The following IQSEC1 variants were observed in gnomAD, a reference collection of about 807,000 sequenced individuals.
IQSEC1 encodes IQ motif and Sec7 domain ArfGEF 1, also known as IQ motif and SEC7 domain-containing protein 1.
Under a neutral mutation model 91.0 loss-of-function variants are expected in IQSEC1, and 31 were observed. The observed-to-expected ratio is 0.34, with a 90% confidence interval of 0.26 to 0.46. IQSEC1 has a LOEUF of 0.46. IQSEC1 is among the 20% of genes least tolerant of loss of function. The probability of loss-of-function intolerance (pLI) is 1.00; values close to 1 mark genes in which losing one functional copy is unlikely to be tolerated. For synonymous variants in IQSEC1, 699 were observed against 662.6 expected (o/e 1.05, Z -0.84); for missense variants, 1,388 against 1,575.6 (o/e 0.88, Z 2.02).
intron 10 of IQSEC1, among the ~76,000 whole-genome samples, chr3:12,911,137 A>G (rs1695516152): frequency 6.6e-6 from 1 of 152,158 alleles, no homozygotes; most frequent in Non-Finnish European, 1.5e-5. Context: ...TGTGGCAGGC[A>G]CTACCTTACA....
intron 1 of IQSEC1, among the ~76,000 whole-genome samples, chr3:13,276,077 A>ATTTTTT (rs1406168404): frequency 1.2e-5 from 1 of 85,598 alleles, no homozygotes; most frequent in African/African-American, 4.6e-5. Flanking sequence ...CCTCAAAAGC[A>ATTTTTT]TTCTTTTTTT....
chr3:13,217,450 T>C (rs1694572119), intron 1 of IQSEC1, among the ~76,000 whole-genome samples: 1 of 152,184 alleles, frequency 6.6e-6, no homozygotes. Context: ...CAGGGCTGAG[T>C]AGTAGTCCAC....
intron 12 of IQSEC1, among the ~76,000 whole-genome samples, chr3:12,905,094 C>A (rs183592634): frequency 1.3e-5 from 2 of 152,348 alleles, no homozygotes; most frequent in African/African-American, 4.8e-5. Context: ...CACAGCCAGC[C>A]GTGCAGATAT....
intron 1 of IQSEC1, among the ~76,000 whole-genome samples, chr3:13,234,275 TC>T (rs773715705): frequency 3.0e-5 from 4 of 131,626 alleles, no homozygotes; most frequent in African/African-American, 1.1e-4. Context: ...TGGGTGTGAG[TC>T]CCCGTGTCTG....
At chr3:13,139,981 G>C (rs1413956230) in intron 2 of IQSEC1, among the ~76,000 whole-genome samples, 1 of 152,202 alleles carries the variant, frequency 6.6e-6, no homozygotes, top group African/African-American at 2.4e-5. Context: ...CAGATTCTCA[G>C]GAATAAAGGT....
Position 12,924,449 on chromosome 3 carries a change from G to A in IQSEC1, c.1730+132C>T. ...CATGTGTGTGTCTAGGACTTAGGAAGAGAGAAAGGGGGGCCCACCACATGT... is the reference window on the plus strand; with the variant it reads ...CATGTGTGTGTCTAGGACTTAGGAAAAGAGAAAGGGGGGCCCACCACATGT... On this transcript the variant is annotated intron_variant, in intron 4 of 13. Coordinates refer to ENST00000613206, the MANE Select transcript of IQSEC1 (RefSeq NM_001134382.3). This position sits in a 1 kb window ranked among gnomAD's most constrained non-coding sequence, Gnocchi z 6.3. The A allele has an allele frequency of 2.2e-6, 2 of 901,052 alleles. No individual in the cohort carries two copies. The highest frequency in any genetic ancestry group is 3.0e-5 in the East Asian group (1 of 33,190). The allele number at this position is 901,052 out of a possible 1,614,324, so 55.8% of individuals were successfully genotyped here.
At chr3:13,176,885 A>C (rs1693740338) in intron 1 of IQSEC1, among the ~76,000 whole-genome samples, 1 of 152,268 alleles carries the variant, frequency 6.6e-6, no homozygotes, top group Admixed American at 6.5e-5. Flanking sequence ...AATACTGTTC[A>C]CTCATAAAAA....
chr3:13,112,295 G>A (rs931849071), intron 2 of IQSEC1, among the ~76,000 whole-genome samples: 7 of 152,232 alleles, frequency 4.6e-5, no homozygotes, highest in East Asian at 1.9e-4. Context: ...GGCAGCAAGC[G>A]CGGAGGTCAC....
At chr3:13,084,440 C>G (rs766859603) in intron 2 of IQSEC1, among the ~76,000 whole-genome samples, 2 of 152,178 alleles carry the variant, frequency 1.3e-5, no homozygotes, top group Non-Finnish European at 2.9e-5. Context: ...TACTGAGCAC[C>G]TACTGTGTGC....
intron 1 of IQSEC1, among the ~76,000 whole-genome samples, chr3:13,038,462 G>A (rs1200121875): frequency 2.0e-5 from 3 of 151,508 alleles, no homozygotes; most frequent in Non-Finnish European, 2.9e-5. Context: ...TTAAACTTAT[G>A]GACATAGAGA....
intron 1 of IQSEC1, among the ~76,000 whole-genome samples, chr3:12,982,639 G>A (rs117022299): frequency 0.015 from 2,209 of 152,342 alleles, 25 homozygotes; most frequent in African/African-American, 0.032. Flanking sequence ...GTTCTAGAAA[G>A]AGAGAGAGGA....
At chr3:13,138,535 G>A (rs1231685600) in intron 2 of IQSEC1, among the ~76,000 whole-genome samples, 6 of 152,114 alleles carry the variant, frequency 3.9e-5, no homozygotes, top group Admixed American at 2.6e-4. Context: ...CACCAGGTGG[G>A]TGAGTAGGCT....
chr3:13,162,140 C>G (rs750493038), intron 2 of IQSEC1, among the ~76,000 whole-genome samples: 1 of 152,372 alleles, frequency 6.6e-6, no homozygotes. Flanking sequence ...AGCCCCCGCT[C>G]AGGTCACCAG....
intron 2 of IQSEC1, among the ~76,000 whole-genome samples, chr3:13,158,188 T>C (rs1421620372): frequency 6.6e-6 from 1 of 152,176 alleles, no homozygotes; most frequent in East Asian, 1.9e-4. Context: ...CTCCAAAACA[T>C]GGCTGGATAG....
chr3:12,944,111 G>A (rs1442164673), intron 1 of IQSEC1, among the ~76,000 whole-genome samples: 2 of 152,150 alleles, frequency 1.3e-5, no homozygotes, highest in African/African-American at 2.4e-5. Flanking sequence ...TTCCCTATCA[G>A]TAACACGGTG....
intron 2 of IQSEC1, among the ~76,000 whole-genome samples, chr3:13,102,370 C>T (rs1041307059): frequency 2.0e-5 from 3 of 152,004 alleles, no homozygotes; most frequent in African/African-American, 7.3e-5. Context: ...GGCTGGGGAG[C>T]GGAGGCCTGG....
intron 1 of IQSEC1, among the ~76,000 whole-genome samples, chr3:13,072,738 T>C (rs1039683711): frequency 5.1e-4 from 78 of 152,222 alleles, no homozygotes; most frequent in African/African-American, 1.8e-3. Flanking sequence ...GGGGGATACC[T>C]GCTCTCACAG....
chr3:13,263,921 A>C (rs1695439105), intron 1 of IQSEC1, among the ~76,000 whole-genome samples: 2 of 152,300 alleles, frequency 1.3e-5, no homozygotes, highest in Non-Finnish European at 2.9e-5. Context: ...CGTGGACAAG[A>C]AAGTCTGCTG....
rs185476826 is a variant in IQSEC1 at position 13,252,499 on chromosome 3, G to A, written c.272+30212C>T. ...TGGCTGCTGTGAATAACACTGCTAT[G>A]AATGTGGGTGTGCGAGTATCTCTTC... On this transcript the variant is annotated intron_variant, in intron 1 of 15. Transcript: ENST00000648114. Among the ~76,000 whole-genome samples, 3 of 152,342 alleles carry A rather than the reference G, an allele frequency of 2.0e-5. No homozygotes were observed. In the East Asian group the frequency reaches 5.8e-4, roughly 29 times the overall value.
Sources: allele counts gnomAD v4.1 joint callset (sites outside exome capture counted in the v4.1 genomes callset), GRCh38; gene constraint gnomAD v4.1.1; non-coding constraint Gnocchi (gnomAD v3.1); transcripts MANE v1.5; gene names NCBI Gene and HGNC (gene_info 2026-07-23, HGNC 2026-07-21).